PKIB: variants seen among roughly 807,000 people sequenced by gnomAD.
PKIB encodes cAMP-dependent protein kinase inhibitor beta.
A neutral mutation model predicts 4.5 loss-of-function variants in PKIB; 2 were observed. The observed-to-expected ratio is 0.44, with a 90% CI of 0.18 to 1.39. PKIB has a LOEUF of 1.39. Among genes scored for constraint, PKIB ranks in the 40% most tolerant of loss-of-function variants. The probability of loss-of-function intolerance (pLI) is 0.27; values close to 1 mark genes in which losing one functional copy is unlikely to be tolerated. For synonymous variants in PKIB, 38 were observed against 36.0 expected, an observed-to-expected ratio of 1.06 and a Z score of -0.20; for missense variants, 94 against 92.6, an observed-to-expected ratio of 1.02 and a Z score of -0.06.
intron 3 of PKIB, among the ~76,000 whole-genome samples, chr6:122,597,287 G>A (rs1167840416): frequency 1.3e-5 from 2 of 152,226 alleles, no homozygotes; most frequent in Non-Finnish European, 2.9e-5. Context: ...ATGACATAAA[G>A]CTGGAGAGTT....
chr6:122,481,172 GTAAT>G (rs1168119442), intron 2 of PKIB: 3 of 152,162 alleles, frequency 2.0e-5, no homozygotes, highest in African/African-American at 7.2e-5. Context: ...GTCTTCTGAT[GTAAT>G]GCACTAAGGA....
intron 3 of PKIB, among the ~76,000 whole-genome samples, chr6:122,602,998 T>G (rs2114743836): frequency 6.6e-6 from 1 of 150,562 alleles, no homozygotes; most frequent in Non-Finnish European, 1.5e-5. Context: ...GTTTACATTT[T>G]AGGTTCCTAA....
chr6:122,520,668 C>T (rs948068737), intron 2 of PKIB, among the ~76,000 whole-genome samples: 4 of 116,982 alleles, frequency 3.4e-5, no homozygotes, highest in Non-Finnish European at 6.8e-5. Context: ...TGTTCCCACC[C>T]CCCCCCCACC....
intron 2 of PKIB, among the ~76,000 whole-genome samples, chr6:122,538,494 C>A (rs1220364469): frequency 6.6e-6 from 1 of 151,868 alleles, no homozygotes; most frequent in Non-Finnish European, 1.5e-5. Context: ...GTTGTAGATA[C>A]GTGGCATTAT....
intron 2 of PKIB, among the ~76,000 whole-genome samples, chr6:122,636,981 A>G (rs576125483): frequency 6.6e-5 from 10 of 152,344 alleles, no homozygotes; most frequent in Non-Finnish European, 1.3e-4. Flanking sequence ...TTCAAAAAGC[A>G]CAACAACAAT....
chr6:122,585,858 G>A (rs775005630), intron 2 of PKIB: 21 of 152,062 alleles, frequency 1.4e-4, no homozygotes, highest in Non-Finnish European at 2.4e-4. Context: ...TACGTGTTAT[G>A]TTAATTATGC....
intron 2 of PKIB, among the ~76,000 whole-genome samples, chr6:122,507,539 C>T (rs1353940666): frequency 6.6e-6 from 1 of 151,660 alleles, no homozygotes; most frequent in Non-Finnish European, 1.5e-5. Context: ...TAAGTTGGGT[C>T]CATCATTTGA....
At chr6:122,509,753 A>G (rs2114577738) in intron 2 of PKIB, among the ~76,000 whole-genome samples, 1 of 152,260 alleles carries the variant, frequency 6.6e-6, no homozygotes, top group East Asian at 1.9e-4. Flanking sequence ...TTGATCAAAT[A>G]TACTGTAAGC....
intron 3 of PKIB, among the ~76,000 whole-genome samples, chr6:122,698,391 C>T (rs1778657054): frequency 6.6e-6 from 1 of 152,098 alleles, no homozygotes; most frequent in African/African-American, 2.4e-5. Flanking sequence ...CATAGCTAGG[C>T]CAGATTCATG....
intron 2 of PKIB, among the ~76,000 whole-genome samples, chr6:122,584,936 G>A (rs1236353410): frequency 6.6e-6 from 1 of 150,652 alleles, no homozygotes; most frequent in Non-Finnish European, 1.5e-5. Flanking sequence ...GTTTACCATT[G>A]CCATGGCAAC....
chr6:122,725,034 A>G lies in PKIB; in HGVS notation c.170-94A>G. Reference sequence around the variant, plus strand: ...TATCTGAATTGAGGGCAAAATATGGACGGTGGACAAAGGAAAAACCAATGG... The same window carrying G: ...TATCTGAATTGAGGGCAAAATATGGGCGGTGGACAAAGGAAAAACCAATGG... On this transcript the variant is annotated intron_variant, in intron 4 of 4. Transcript: ENST00000368452. The G allele has an allele frequency of 4.2e-6, 4 of 949,456 alleles. No individual in the cohort carries two copies. In the South Asian group the frequency reaches 4.8e-5, roughly 11 times the overall value. 58.8% of individuals were successfully genotyped at this position (949,456 alleles called of 1,614,324 possible). A position where few individuals can be genotyped will look rare whatever the true frequency, so the allele number is the denominator to read the frequency against.
intron 2 of PKIB, among the ~76,000 whole-genome samples, chr6:122,560,439 C>T (rs1402347607): frequency 1.3e-5 from 2 of 151,846 alleles, no homozygotes; most frequent in Non-Finnish European, 1.5e-5. Flanking sequence ...TGTTGGTTAG[C>T]TAATATTTTG....
chr6:122,641,647 CA>C (rs1417642671), intron 2 of PKIB, among the ~76,000 whole-genome samples: 1 of 152,116 alleles, frequency 6.6e-6, no homozygotes, highest in Non-Finnish European at 1.5e-5. Flanking sequence ...AACCCTTATA[CA>C]AGCCACACCA....
chr6:122,580,009 A>G (rs1773658481), intron 2 of PKIB, among the ~76,000 whole-genome samples: 1 of 152,190 alleles, frequency 6.6e-6, no homozygotes, highest in African/African-American at 2.4e-5. Context: ...ATTCAGTAAA[A>G]TTAATACCTC....
intron 1 of PKIB, among the ~76,000 whole-genome samples, chr6:122,622,552 C>T (rs926026307): frequency 1.3e-5 from 2 of 152,170 alleles, no homozygotes; most frequent in Non-Finnish European, 2.9e-5. Flanking sequence ...GTTAACCTGG[C>T]CCTCTTGAGA....
chr6:122,595,057 G>T (rs1774135648), intron 3 of PKIB, among the ~76,000 whole-genome samples: 1 of 152,136 alleles, frequency 6.6e-6, no homozygotes, highest in African/African-American at 2.4e-5. Flanking sequence ...CTGGAACTGA[G>T]GTCTCTAGGC....
intron 1 of PKIB, among the ~76,000 whole-genome samples, chr6:122,614,152 G>T (rs1024463319): frequency 4.6e-5 from 7 of 152,068 alleles, no homozygotes; most frequent in African/African-American, 1.7e-4. Context: ...CAAGAGTTGG[G>T]TGCTTGGTTG....
intron 2 of PKIB, among the ~76,000 whole-genome samples, chr6:122,488,049 G>T (rs1384605169): frequency 1.3e-5 from 2 of 152,030 alleles, no homozygotes; most frequent in African/African-American, 4.8e-5. Context: ...TAAATATGTT[G>T]TTCCTCAGTA....
intron 2 of PKIB, chr6:122,482,544 A>ATTTTTTTT (rs571676167): frequency 5.8e-5 from 6 of 103,728 alleles, no homozygotes; most frequent in South Asian, 3.3e-4. Flanking sequence ...TTTAGGTTGG[A>ATTTTTTTT]TTTTTTTTTT....
Sources: allele counts gnomAD v4.1 joint callset (sites outside exome capture counted in the v4.1 genomes callset), GRCh38; gene constraint gnomAD v4.1.1; transcripts MANE v1.5; gene names NCBI Gene and HGNC (gene_info 2026-07-23, HGNC 2026-07-21).